Variants in POLA1 observed in about 807,000 individuals in gnomAD.
POLA1 encodes the protein DNA polymerase alpha catalytic subunit.
In POLA1, 15 loss-of-function variants were observed where a neutral mutation model predicts 124.0. That is an observed-to-expected ratio of 0.12 (90% CI 0.08 to 0.19). The LOEUF (loss-of-function observed/expected upper bound fraction) is 0.19, where lower values mean the gene tolerates loss of function less well. Among genes scored for constraint, POLA1 ranks in the 10% least tolerant of loss-of-function variants. The pLI is 1.00. For synonymous variants in POLA1, 408 were observed against 389.4 expected (o/e 1.05, Z -0.56); for missense variants, 886 against 1,103.4 (o/e 0.80, Z 2.79).
intron 26 of POLA1, among the ~76,000 whole-genome samples, chrX:24,780,018 C>T (rs960805212): frequency 3.6e-5 from 4 of 112,047 alleles, no homozygotes; most frequent in Admixed American, 9.4e-5. Flanking sequence ...TACCACAATG[C>T]GTATTTGTGG....
In POLA1 at chrX:24,815,168, CA is replaced by C. The variant is rs1260964685; in HGVS notation, c.3429+58del. 5 of 1,051,383 alleles carry C rather than the reference CA, an allele frequency of 4.8e-6. No individual in the cohort carries two copies. In the African/African-American group the frequency reaches 9.4e-5, roughly 20 times the overall value. The allele number at this position is 1,051,383 out of a possible 1,213,427, so 86.6% of individuals were successfully genotyped here. ...GCTGTCATGTGTTTTTCACCTCCTT[CA>C]GATAGTTGAAGAACCACCTCATCCT... On this transcript the variant is annotated intron_variant, in intron 30 of 36. Transcript: ENST00000379068.
chrX:24,979,492 C>T (rs2048398985), intron 36 of POLA1, among the ~76,000 whole-genome samples: 1 of 112,149 alleles, frequency 8.9e-6, no homozygotes, highest in Admixed American at 9.4e-5. Flanking sequence ...AATCTCTGGT[C>T]AGAAATTATG....
At chrX:24,828,051 C>T (rs1002072770) in intron 32 of POLA1, among the ~76,000 whole-genome samples, 1 of 112,460 alleles carries the variant, frequency 8.9e-6, no homozygotes, top group Non-Finnish European at 1.9e-5. Flanking sequence ...TCATTTTTAA[C>T]ATTTGCCTAA....
chrX:24,936,091 C>G (rs900564561), intron 36 of POLA1, among the ~76,000 whole-genome samples: 5 of 112,349 alleles, frequency 4.5e-5, no homozygotes, highest in Admixed American at 2.8e-4. Flanking sequence ...CTGTGTTCCC[C>G]ATCAGCTAAG....
At chrX:24,947,971 C>T (rs1359868003) in intron 36 of POLA1, among the ~76,000 whole-genome samples, 6 of 112,112 alleles carry the variant, frequency 5.4e-5, no homozygotes, top group Non-Finnish European at 7.5e-5. Context: ...CCTGGTTTGT[C>T]GCTGACTCAC....
Position 24,771,311 on chromosome X carries a change from G to T in POLA1, c.2964+22319G>T, listed in dbSNP as rs764772280. ...ATAGGAATTGTAGGGAGGACATGAA[G>T]AAACAAAAGATCAGTCAGAATGTTT... On this transcript the variant is annotated intron_variant, in intron 26 of 36. Coordinates refer to ENST00000379068, the MANE Select transcript of POLA1 (RefSeq NM_001330360.2). Among the ~76,000 whole-genome samples the T allele has an allele frequency of 5.7e-4, 63 of 111,401 alleles. No individual in the cohort carries two copies. The South Asian group carries it at 0.023, about 40-fold the overall frequency.
chrX:24,910,859 A>C (rs1202531657), intron 35 of POLA1, among the ~76,000 whole-genome samples: 1 of 112,158 alleles, frequency 8.9e-6, no homozygotes, highest in Non-Finnish European at 1.9e-5. Context: ...ACATAAAATC[A>C]GGGATATAGA....
At chrX:24,817,934 TA>T (rs1327413061) in intron 30 of POLA1, among the ~76,000 whole-genome samples, 4 of 102,697 alleles carry the variant, frequency 3.9e-5, no homozygotes, top group South Asian at 4.3e-4. Flanking sequence ...CTCATGACAA[TA>T]TTTTTTTTTT....
chrX:24,784,734 G>A (rs2045332155), intron 26 of POLA1, among the ~76,000 whole-genome samples: 1 of 111,467 alleles, frequency 9.0e-6, no homozygotes, highest in Admixed American at 9.5e-5. Flanking sequence ...TTTTCTTAGC[G>A]CCTCCTAAGT....
intron 26 of POLA1, among the ~76,000 whole-genome samples, chrX:24,797,532 T>A (rs1436111312): frequency 9.0e-6 from 1 of 111,685 alleles, no homozygotes; most frequent in Non-Finnish European, 1.9e-5. Context: ...CCTATTTGGT[T>A]CTCTGCTCTA....
intron 36 of POLA1, among the ~76,000 whole-genome samples, chrX:24,978,228 T>G (rs781112791): frequency 8.9e-6 from 1 of 112,003 alleles, no homozygotes; most frequent in Non-Finnish European, 1.9e-5. Context: ...TGTCCACATT[T>G]TTGTACTAGG....
At chrX:24,924,409 A>G (rs146302721) in intron 35 of POLA1, among the ~76,000 whole-genome samples, 2 of 111,942 alleles carry the variant, frequency 1.8e-5, no homozygotes, top group Admixed American at 1.9e-4. Flanking sequence ...CCCAAAGCCT[A>G]TGGTCTTTCT....
At chrX:24,962,854 T>A (rs1383854205) in intron 36 of POLA1, among the ~76,000 whole-genome samples, 2 of 111,701 alleles carry the variant, frequency 1.8e-5, no homozygotes, top group Non-Finnish European at 3.8e-5. Flanking sequence ...TCTGCAAGAG[T>A]TTCCTTCTAA....
intron 26 of POLA1, among the ~76,000 whole-genome samples, chrX:24,780,457 G>A (rs962752340): frequency 1.8e-5 from 2 of 112,465 alleles, no homozygotes; most frequent in African/African-American, 6.5e-5. Flanking sequence ...TTCAAATTGA[G>A]GAAATACCTT....
At chrX:24,781,414 AACATTCTAGCAAAGCCAG>A (rs1163717807) in intron 26 of POLA1, among the ~76,000 whole-genome samples, 1 of 111,727 alleles carries the variant, frequency 9.0e-6, no homozygotes, top group Non-Finnish European at 1.9e-5. Context: ...TTGGTTTTGT[AACATTCTAGCAAAGCCAG>A]ACATGCTTTG....
chrX:24,730,575 T>G (rs1930843501), intron 15 of POLA1, among the ~76,000 whole-genome samples: 1 of 112,095 alleles, frequency 8.9e-6, no homozygotes, highest in African/African-American at 3.2e-5. Context: ...AATTGGGCGC[T>G]CTGGAGTAAT....
At chrX:24,706,275 T>C (rs1282970661) in intron 4 of POLA1, among the ~76,000 whole-genome samples, 2 of 112,005 alleles carry the variant, frequency 1.8e-5, no homozygotes, top group African/African-American at 6.5e-5. Flanking sequence ...CTATGTTCTT[T>C]TGACATGGCT....
chrX:24,875,769 A>C (rs1466552194), intron 34 of POLA1, among the ~76,000 whole-genome samples: 1 of 111,994 alleles, frequency 8.9e-6, no homozygotes, highest in Admixed American at 9.5e-5. Flanking sequence ...GTTATAAGAC[A>C]GATGAAGGGA....
intron 26 of POLA1, among the ~76,000 whole-genome samples, chrX:24,787,072 T>G (rs370556931): frequency 2.7e-5 from 3 of 111,221 alleles, no homozygotes; most frequent in African/African-American, 3.3e-5. Flanking sequence ...TTAATCTGGT[T>G]GTTTGTTTTT....
Sources: gnomAD v4.1 joint callset for allele counts (sites outside exome capture counted in the v4.1 genomes callset) on GRCh38, gnomAD v4.1.1 for gene constraint, MANE v1.5 for transcripts, NCBI Gene and HGNC (gene_info 2026-07-23, HGNC 2026-07-21) for gene names.